The following RUNX2 variants were observed in gnomAD, a reference collection of about 807,000 sequenced individuals.
The protein encoded by RUNX2 is runt-related transcription factor 2.
In RUNX2, 10 loss-of-function variants were observed where a neutral mutation model predicts 51.7. That is an observed-to-expected ratio of 0.19 (90% CI 0.12 to 0.33). RUNX2 has a LOEUF of 0.33. Ranked by LOEUF, RUNX2 falls within the 10% of genes least tolerant of loss-of-function variation. The probability of loss-of-function intolerance (pLI) is 1.00; values close to 1 mark genes in which losing one functional copy is unlikely to be tolerated. For synonymous variants in RUNX2, 276 were observed against 273.6 expected, an observed-to-expected ratio of 1.01 and a Z score of -0.09; for missense variants, 562 against 691.3, an observed-to-expected ratio of 0.81 and a Z score of 2.10.
intron 5 of RUNX2, among the ~76,000 whole-genome samples, chr6:45,441,456 C>T (rs1308882418): frequency 2.0e-5 from 3 of 152,162 alleles, no homozygotes; most frequent in African/African-American, 4.8e-5. Flanking sequence ...ATGATAATAC[C>T]TTCCTCATCA....
At chr6:45,336,356 C>A (rs1026299873) in intron 2 of RUNX2, among the ~76,000 whole-genome samples, 2 of 151,238 alleles carry the variant, frequency 1.3e-5, no homozygotes, top group Non-Finnish European at 3.0e-5. Flanking sequence ...TTTTGTACAC[C>A]AATAGGACTA....
intron 3 of RUNX2, among the ~76,000 whole-genome samples, chr6:45,428,783 C>T (rs1045800874): frequency 6.7e-6 from 1 of 149,034 alleles, no homozygotes; most frequent in African/African-American, 2.5e-5. Context: ...TAAAAATATG[C>T]AGTAAAATAA....
chr6:45,384,754 A>G (rs896465024), intron 2 of RUNX2, among the ~76,000 whole-genome samples: 2 of 113,954 alleles, frequency 1.8e-5, no homozygotes, highest in East Asian at 2.4e-4. Flanking sequence ...GTCTCACTCT[A>G]TCTCCCAGAC....
intron 2 of RUNX2, among the ~76,000 whole-genome samples, chr6:45,338,710 G>C (rs1789138644): frequency 6.6e-6 from 1 of 151,986 alleles, no homozygotes; most frequent in African/African-American, 2.4e-5. Context: ...ATTTCGTTTT[G>C]TCATCAATTT....
intron 2 of RUNX2, among the ~76,000 whole-genome samples, chr6:45,345,939 C>T (rs183507049): frequency 2.3e-3 from 356 of 152,192 alleles, no homozygotes; most frequent in African/African-American, 7.9e-3. Flanking sequence ...GCCTCTGTGT[C>T]TTTGATCATG....
intron 2 of RUNX2, among the ~76,000 whole-genome samples, chr6:45,369,988 TAA>T (rs1795786535): frequency 1.3e-5 from 2 of 152,176 alleles, no homozygotes; most frequent in African/African-American, 4.8e-5. Context: ...GCAGATCTTA[TAA>T]AGCCTTTAGG....
In RUNX2 at chr6:45,550,114, C is replaced by G. The variant is rs1802521279; in HGVS notation, c.*2809C>G. On this transcript the variant is annotated 3_prime_UTR_variant, in exon 9 of 9. Coordinates refer to ENST00000647337, the MANE Select transcript of RUNX2 (RefSeq NM_001024630.4). ...CTACTGTGGAACCATGTACTAGTTC[C>G]TGGGAATTAAAATAGCGTGGTTCTC... 1 of 152,194 alleles carries G rather than the reference C, an allele frequency of 6.6e-6. No individual in the cohort carries two copies. The highest frequency in any genetic ancestry group is 1.5e-5 in the Non-Finnish European group (1 of 68,006). The allele number at this position is 152,194 out of a possible 1,614,324, so 9.4% of individuals were successfully genotyped here.
intron 2 of RUNX2, among the ~76,000 whole-genome samples, chr6:45,408,462 T>A (rs140714988): frequency 5.3e-5 from 8 of 152,234 alleles, no homozygotes; most frequent in African/African-American, 1.9e-4. Flanking sequence ...TACCTGTACA[T>A]CTTGTGGAAA....
intron 7 of RUNX2, among the ~76,000 whole-genome samples, chr6:45,526,289 G>T (rs1801672090): frequency 6.6e-6 from 1 of 152,190 alleles, no homozygotes; most frequent in Non-Finnish European, 1.5e-5. Flanking sequence ...CAGATTTAAT[G>T]TAAAATTAAG....
At position 45,422,967 on chromosome 6, in the gene RUNX2, T is replaced by C; in HGVS notation, c.423+10T>C. 1.2e-6 allele frequency: 2 copies of C among 1,608,272 alleles called. No homozygotes were observed. The highest frequency in any genetic ancestry group is 1.7e-6 in the Non-Finnish European group (2 of 1,178,966). On this transcript the variant is annotated intron_variant, in intron 3 of 8. Transcript: ENST00000647337. ...GCCCGTGGCCTTCAAGGTAAGAGGCTACACCGCCCCCCGCCCCCGGCCGGG... is the reference window on the plus strand; with the variant it reads ...GCCCGTGGCCTTCAAGGTAAGAGGCCACACCGCCCCCCGCCCCCGGCCGGG...
intron 2 of RUNX2, among the ~76,000 whole-genome samples, chr6:45,371,068 A>C (rs1432195867): frequency 6.6e-6 from 1 of 152,216 alleles, no homozygotes; most frequent in Non-Finnish European, 1.5e-5. Flanking sequence ...TTAAAGAGTT[A>C]CTTAATGGTT....
At chr6:45,332,563 T>C (rs1393199143) in intron 2 of RUNX2, among the ~76,000 whole-genome samples, 1 of 151,826 alleles carries the variant, frequency 6.6e-6, no homozygotes, top group Non-Finnish European at 1.5e-5. Flanking sequence ...TACTAAGATA[T>C]GACAACTCTA....
intron 2 of RUNX2, among the ~76,000 whole-genome samples, chr6:45,415,737 G>A (rs1798056215): frequency 6.6e-6 from 1 of 152,018 alleles, no homozygotes; most frequent in African/African-American, 2.4e-5. Context: ...CTCCTGCAAT[G>A]TCTTTCTAAC....
In RUNX2 at chr6:45,446,487, CT is replaced by C. The variant is rs931139556; in HGVS notation, c.685+8443del. On this transcript the variant is annotated intron_variant, in intron 5 of 8. Coordinates refer to ENST00000647337, the MANE Select transcript of RUNX2 (RefSeq NM_001024630.4). ...GAGAGAAAGAGGTTCCCCTCCCCCC[CT>C]TTTTTTGTCTCTCTTTTTTTTTTTT... Among the ~76,000 whole-genome samples the C allele has an allele frequency of 3.5e-3, 533 of 151,186 alleles. 4 individuals carry two copies. Among genetic ancestry groups the C allele is most frequent in the African/African-American group, 0.011 (474 of 41,230 alleles).
intron 6 of RUNX2, among the ~76,000 whole-genome samples, chr6:45,506,849 C>T (rs1316411882): frequency 6.6e-6 from 1 of 152,056 alleles, no homozygotes; most frequent in Non-Finnish European, 1.5e-5. Flanking sequence ...ACCGTCTCTA[C>T]AAAAGCCTGT....
intron 5 of RUNX2, among the ~76,000 whole-genome samples, chr6:45,455,013 T>G (rs546137045): frequency 6.6e-6 from 1 of 152,054 alleles, no homozygotes; most frequent in South Asian, 2.1e-4. Context: ...ACTTAGGAGG[T>G]TGAGGCAGGA....
chr6:45,535,552 C>A (rs374096099), intron 7 of RUNX2, among the ~76,000 whole-genome samples: 9 of 151,022 alleles, frequency 6.0e-5, no homozygotes, highest in Non-Finnish European at 1.3e-4. Context: ...TGCAGTGAGC[C>A]GAGATTGCGC....
intron 2 of RUNX2, among the ~76,000 whole-genome samples, chr6:45,360,051 T>C (rs1281699830): frequency 6.6e-6 from 1 of 152,204 alleles, no homozygotes; most frequent in African/African-American, 2.4e-5. Context: ...ACATAAACTG[T>C]TGAAAGTCAT....
At chr6:45,364,059 G>A (rs1265690375) in intron 2 of RUNX2, among the ~76,000 whole-genome samples, 1 of 151,478 alleles carries the variant, frequency 6.6e-6, no homozygotes, top group Admixed American at 6.6e-5. Context: ...AGGTTGCAGT[G>A]AGCCAAGATT....
Sources: allele counts gnomAD v4.1 joint callset (sites outside exome capture counted in the v4.1 genomes callset), GRCh38; gene constraint gnomAD v4.1.1; transcripts MANE v1.5; gene names NCBI Gene and HGNC (gene_info 2026-07-23, HGNC 2026-07-21).